The following MAPK8IP1 variants were observed in gnomAD, a reference collection of about 807,000 sequenced individuals.
MAPK8IP1 encodes C-Jun-amino-terminal kinase-interacting protein 1.
MAPK8IP1 carries 17 observed loss-of-function variants against 72.6 expected under a neutral mutation model. The observed-to-expected ratio is 0.23, with a 90% CI of 0.16 to 0.35. The LOEUF (loss-of-function observed/expected upper bound fraction) is 0.35, where lower values mean the gene tolerates loss of function less well. MAPK8IP1 is among the 10% of genes least tolerant of loss of function. The pLI, the probability that MAPK8IP1 is intolerant of heterozygous loss-of-function variation, is 1.00. For missense variants in MAPK8IP1, 789 were observed against 1,009.7 expected, an observed-to-expected ratio of 0.78 and a Z score of 2.96; for synonymous variants, 401 against 443.4, an observed-to-expected ratio of 0.90 and a Z score of 1.20.
intron 1 of MAPK8IP1, among the ~76,000 whole-genome samples, chr11:45,893,483 G>C (rs1294246580): frequency 6.6e-6 from 1 of 152,142 alleles, no homozygotes; most frequent in Non-Finnish European, 1.5e-5. Flanking sequence ...GCAGGAACAG[G>C]GCCTCAGGTA....
Position 45,904,757 on chromosome 11 carries a change from C to G in MAPK8IP1, c.1816C>G (p.Pro606Ala). 6.2e-7 allele frequency: 1 copy of G among 1,614,048 alleles called. No homozygotes were observed. Among genetic ancestry groups the G allele is most frequent in the Non-Finnish European group, 8.5e-7 (1 of 1,180,034 alleles). The part of the protein sequence containing the change: ...TRRLTVHFNP[P>A]SSCVLEISVR... ...CCGGCTCACCGTGCACTTTAACCCG[C>G]CCTCCAGCTGTGTCCTGGAGATCAG... Residue 606 changes from proline (P) to alanine (A), a missense_variant, in exon 9 of 12, where the codon CCC (proline) becomes GCC (alanine). By Grantham distance (27) the Pro-to-Ala change is conservative (BLOSUM62 -1). Transcript: ENST00000241014. This position sits in a 1 kb window ranked among gnomAD's most constrained non-coding sequence, Gnocchi z 6.4.
intron 1 of MAPK8IP1, among the ~76,000 whole-genome samples, chr11:45,888,798 C>A (rs983595667): frequency 7.2e-5 from 11 of 152,000 alleles, no homozygotes; most frequent in Non-Finnish European, 1.5e-4. Flanking sequence ...ATTCTGGGTT[C>A]AAGCGGTTCT....
rs549234425 is a variant in MAPK8IP1 at position 45,896,647 on chromosome 11, G to A, written c.102-1438G>A. 33 of 1,393,988 alleles carry A rather than the reference G, an allele frequency of 2.4e-5. No individual in the cohort carries two copies. In the African/African-American group the frequency reaches 3.9e-4, roughly 16 times the overall value. The allele number at this position is 1,393,988 out of a possible 1,614,324, so 86.4% of individuals were successfully genotyped here. On this transcript the variant is annotated intron_variant, in intron 1 of 11. Transcript: ENST00000241014. ...GAAGGTGCCTGCAGCTGAGGGCTGC[G>A]CTGGGAAGAGCTGGGGCTGGGACCC... is the stretch of plus-strand genomic sequence containing the variant.
intron 1 of MAPK8IP1, chr11:45,897,078 G>A (rs2086613966): frequency 1.1e-6 from 1 of 945,702 alleles, no homozygotes; most frequent in East Asian, 2.6e-5. Flanking sequence ...TGGGGGCTAA[G>A]CCACCATCTC....
chr11:45,892,089 T>C (rs939754993), intron 1 of MAPK8IP1, among the ~76,000 whole-genome samples: 9 of 152,188 alleles, frequency 5.9e-5, no homozygotes. Context: ...TCAGTTTTCG[T>C]TGGAGATGAC....
At chr11:45,898,733 G>C (rs2086626992) in intron 2 of MAPK8IP1, among the ~76,000 whole-genome samples, 1 of 152,248 alleles carries the variant, frequency 6.6e-6, no homozygotes, top group Non-Finnish European at 1.5e-5. Flanking sequence ...CCACTGAGGG[G>C]TTTGCCCAGC....
At position 45,904,786 on chromosome 11, in the gene MAPK8IP1, G is replaced by A. The variant is rs764224313; in HGVS notation, c.1845G>A (p.Val615=). ...PPSSCVLEIS[V]RGVKIGVKAD... The stretch of plus-strand genomic sequence containing the variant: ...CCAGCTGTGTCCTGGAGATCAGCGT[G>A]CGGGGTGTGAAGATAGGCGTCAAGG... Residue 615 remains valine (V), a synonymous_variant, in exon 9 of 12, where the codon GTG becomes GTA. Transcript: ENST00000241014. The surrounding 1 kb of genome is among the most constrained non-coding windows in gnomAD (Gnocchi z 6.4). 8 of 1,613,958 alleles carry A rather than the reference G, an allele frequency of 5.0e-6. No individual in the cohort carries two copies. The African/African-American group carries it at 8.0e-5, about 16-fold the overall frequency.
chr11:45,895,015 C>T (rs1238429665), intron 1 of MAPK8IP1, among the ~76,000 whole-genome samples: 2 of 152,186 alleles, frequency 1.3e-5, no homozygotes, highest in Admixed American at 1.3e-4. Flanking sequence ...GAGTCTGCCA[C>T]GTGCTCCCTC....
intron 1 of MAPK8IP1, among the ~76,000 whole-genome samples, chr11:45,886,977 A>C (rs1013730507): frequency 1.3e-5 from 2 of 152,068 alleles, no homozygotes; most frequent in Non-Finnish European, 2.9e-5. Flanking sequence ...AGCATCATCA[A>C]ACTCAGAAAC....
In MAPK8IP1 at chr11:45,902,789, C is replaced by A; in HGVS notation, c.1022C>A (p.Ser341Tyr). ...EEEEGFDCLS[S>Y]PERAEPPGGG... Reference sequence around the variant, plus strand: ...GAAGAGGGCTTCGACTGCCTGTCGTCCCCAGAGCGGGCTGAGCCCCCAGGC... The same window carrying A: ...GAAGAGGGCTTCGACTGCCTGTCGTACCCAGAGCGGGCTGAGCCCCCAGGC... The change falls in exon 5 of 12, where the codon TCC becomes TAC. Residue 341 changes from serine to tyrosine, a missense_variant. Ser to Tyr is a moderately radical substitution (Grantham distance 144, BLOSUM62 -2). This residue lies in a region of MAPK8IP1 where 377 missense variants were observed against 411.7 expected (regional missense o/e 0.92). Transcript: ENST00000241014. This position sits in a 1 kb window ranked among gnomAD's most constrained non-coding sequence, Gnocchi z 9.3. 1 of 1,592,684 alleles carries A rather than the reference C, an allele frequency of 6.3e-7. No homozygotes were observed. The highest frequency in any genetic ancestry group is 2.3e-5 in the East Asian group (1 of 44,242).
chr11:45,891,532 G>C (rs2086565937), intron 1 of MAPK8IP1, among the ~76,000 whole-genome samples: 1 of 152,162 alleles, frequency 6.6e-6, no homozygotes, highest in African/African-American at 2.4e-5. Context: ...GAAACTTGCA[G>C]CTCTGGGGAG....
intron 1 of MAPK8IP1, among the ~76,000 whole-genome samples, chr11:45,887,530 T>G (rs1162074776): frequency 6.6e-6 from 1 of 152,210 alleles, no homozygotes; most frequent in Non-Finnish European, 1.5e-5. Flanking sequence ...AGTCAGAGAC[T>G]AAGGCTACAC....
Position 45,899,959 on chromosome 11 carries a change from C to T in MAPK8IP1, c.208-179C>T, listed in dbSNP as rs928324889. Among the ~76,000 whole-genome samples the T allele has an allele frequency of 5.9e-5, 9 of 152,246 alleles. No homozygotes were observed. In the East Asian group the frequency reaches 1.7e-3, roughly 29 times the overall value. On this transcript the variant is annotated intron_variant, in intron 2 of 11. Transcript: ENST00000241014. ...AGGCACGGCTGGATCGGGGAGGCGGCGGCCTCGCGCTTCCTCGCGGCGGAC... is the reference window on the plus strand; with the variant it reads ...AGGCACGGCTGGATCGGGGAGGCGGTGGCCTCGCGCTTCCTCGCGGCGGAC...
At chr11:45,895,636 AT>A (rs11340575) in intron 1 of MAPK8IP1, among the ~76,000 whole-genome samples, 1,576 of 101,188 alleles carry the variant, frequency 0.016, 42 homozygotes, top group African/African-American at 0.073. Context: ...AAAAAAAAAT[AT>A]ATATATATAT....
At position 45,902,701 on chromosome 11, in the gene MAPK8IP1, G is replaced by C. The variant is rs764019007; in HGVS notation, c.934G>C (p.Asp312His). 1 of 1,610,128 alleles carries C rather than the reference G, an allele frequency of 6.2e-7. No individual in the cohort carries two copies. Among genetic ancestry groups the C allele is most frequent in the Non-Finnish European group, 8.5e-7 (1 of 1,179,786 alleles). The change falls in exon 5 of 12, where the codon GAT (aspartate) becomes CAT (histidine). Residue 312 changes from aspartate to histidine, a missense_variant. By Grantham distance (81) the Asp-to-His change is moderately conservative (BLOSUM62 -1). Transcript: ENST00000241014. The surrounding 1 kb of genome is among the most constrained non-coding windows in gnomAD (Gnocchi z 9.3). ...TGAGAGCCGGATGTCAGTCAGCTCC[G>C]ATCCAGACCCTGCCGCCTACCCCTC... ...PTESRMSVSS[D>H]PDPAAYPSTA...
chr11:45,894,170 TA>T (rs1235917901), intron 1 of MAPK8IP1, among the ~76,000 whole-genome samples: 1 of 152,058 alleles, frequency 6.6e-6, no homozygotes, highest in Non-Finnish European at 1.5e-5. Flanking sequence ...TCCTCATCTG[TA>T]AAATGGGAAA....
At chr11:45,899,390 C>A (rs942289671) in intron 2 of MAPK8IP1, among the ~76,000 whole-genome samples, 3 of 152,250 alleles carry the variant, frequency 2.0e-5, no homozygotes, top group Non-Finnish European at 4.4e-5. Context: ...GCTTCACACA[C>A]GTTCCAGTGA....
intron 1 of MAPK8IP1, chr11:45,896,906 G>A (rs1423238829): frequency 2.3e-5 from 36 of 1,568,454 alleles, no homozygotes; most frequent in African/African-American, 1.3e-5. Flanking sequence ...AGATGGATTC[G>A]AGCCCAGACA....
chr11:45,890,115 TGAA>T (rs1386643424), intron 1 of MAPK8IP1, among the ~76,000 whole-genome samples: 54 of 151,866 alleles, frequency 3.6e-4, no homozygotes, highest in African/African-American at 1.2e-3. Flanking sequence ...GTCACTGGAG[TGAA>T]GGGCGGAGAC....
Sources: gnomAD v4.1 joint callset for allele counts (sites outside exome capture counted in the v4.1 genomes callset) on GRCh38, gnomAD v4.1.1 for gene constraint, gnomAD v4.1.1 regional missense constraint, Gnocchi (gnomAD v3.1) non-coding constraint, MANE v1.5 for transcripts, NCBI Gene and HGNC (gene_info 2026-07-23, HGNC 2026-07-21) for gene names.